The following EFCAB9 variants were observed in gnomAD, a reference collection of about 807,000 sequenced individuals.
The protein encoded by EFCAB9 is EF-hand calcium binding domain 9.
Under a neutral mutation model 15.6 loss-of-function variants are expected in EFCAB9, and 16 were observed. The observed-to-expected ratio is 1.03, with a 90% CI of 0.69 to 1.56. EFCAB9 has a LOEUF of 1.56. Among genes scored for constraint, EFCAB9 ranks in the 40% most tolerant of loss-of-function variants. The pLI is 0.00. For synonymous variants in EFCAB9, 76 were observed against 85.4 expected (o/e 0.89, Z 0.61); for missense variants, 208 against 235.4 (o/e 0.88, Z 0.76).
intron 1 of EFCAB9, among the ~76,000 whole-genome samples, chr5:172,198,864 T>C (rs1243633597): frequency 5.3e-5 from 8 of 152,188 alleles, no homozygotes; most frequent in Non-Finnish European, 1.2e-4. Flanking sequence ...TTTGCCCGCC[T>C]TGGCCTCCCA....
At chr5:172,202,727 C>T (rs549035550) in intron 3 of EFCAB9, among the ~76,000 whole-genome samples, 2 of 151,378 alleles carry the variant, frequency 1.3e-5, no homozygotes, top group South Asian at 2.1e-4. Context: ...AAAGGCCAGG[C>T]ACAGTGTCTC....
intron 1 of EFCAB9, among the ~76,000 whole-genome samples, chr5:172,197,108 CTTT>C (rs769692171): frequency 7.1e-6 from 1 of 141,384 alleles, no homozygotes; most frequent in Non-Finnish European, 1.6e-5. Context: ...TGAGGCACAA[CTTT>C]TTTTTTTTTT....
At chr5:172,201,116 C>A (rs1190108086) in intron 3 of EFCAB9, among the ~76,000 whole-genome samples, 5 of 152,150 alleles carry the variant, frequency 3.3e-5, no homozygotes, top group African/African-American at 1.2e-4. Context: ...TGGCTCACGC[C>A]TATAATGCCA....
intron 2 of EFCAB9, 85 bp downstream of exon 2, chr5:172,199,616 A>G: frequency 6.8e-7 from 1 of 1,468,836 alleles, no homozygotes; most frequent in Non-Finnish European, 9.0e-7. Flanking sequence ...TCCTTTCACT[A>G]AAAAGAGGAA....
intron 1 of EFCAB9, among the ~76,000 whole-genome samples, chr5:172,196,397 T>G (rs555094735): frequency 6.6e-6 from 1 of 152,144 alleles, no homozygotes; most frequent in Admixed American, 6.5e-5. Flanking sequence ...TTCTTTTTTT[T>G]TTTTTTGAGA....
rs1242203489 is a variant in EFCAB9, at chr5:172,203,357, AAG to A, written c.*15_*16del. On this transcript the variant is annotated 3_prime_UTR_variant, in exon 4 of 4. Coordinates refer to ENST00000398186, the MANE Select transcript of EFCAB9 (RefSeq NM_001171183.2). ...GTCACATCAAGTAGATACAAGCTGA[AAG>A]AGTCTTGGAAAAAAATGGGATCTGA... The A allele has an allele frequency of 1.3e-6, 2 of 1,524,650 alleles. No homozygotes were observed. The highest frequency in any genetic ancestry group is 1.4e-5 in the African/African-American group (1 of 71,792). The allele number at this position is 1,524,650 out of a possible 1,614,324, so 94.4% of individuals were successfully genotyped here.
At chr5:172,195,877 C>T (rs926027805) in intron 1 of EFCAB9, among the ~76,000 whole-genome samples, 4 of 152,104 alleles carry the variant, frequency 2.6e-5, no homozygotes, top group African/African-American at 9.7e-5. Context: ...AATCTTGGCT[C>T]ATTGCAACCT....
At chr5:172,202,067 G>A (rs766112094) in intron 3 of EFCAB9, among the ~76,000 whole-genome samples, 4 of 152,070 alleles carry the variant, frequency 2.6e-5, no homozygotes, top group African/African-American at 4.8e-5. Flanking sequence ...GGGGTTGGGC[G>A]CGGTGGCTCA....
intron 1 of EFCAB9, among the ~76,000 whole-genome samples, chr5:172,196,649 T>A (rs1771167979): frequency 6.6e-6 from 1 of 152,138 alleles, no homozygotes; most frequent in Non-Finnish European, 1.5e-5. Flanking sequence ...GTGTTGGGAT[T>A]ACAGGTGTGA....
Position 172,194,243 on chromosome 5 carries a change from G to C in EFCAB9, c.71G>C (p.Arg24Thr). 1 of 1,537,836 alleles carries C rather than the reference G, an allele frequency of 6.5e-7. No homozygotes were observed. The highest frequency in any genetic ancestry group is 8.7e-7 in the Non-Finnish European group (1 of 1,147,054). The change falls in exon 1 of 4, where the codon AGA (arginine) becomes ACA (threonine). Residue 24 changes from arginine (R) to threonine (T), a missense_variant. Transcript: ENST00000398186. ...LDKIYCLLSV[R>T]NVKALAEYFH... ...AAAATATACTGCTTATTATCCGTGA[G>C]AAACGTGAAGGCTTTGGCAGAATAT...
At chr5:172,202,783 T>G (rs989902743) in intron 3 of EFCAB9, among the ~76,000 whole-genome samples, 6 of 151,098 alleles carry the variant, frequency 4.0e-5, no homozygotes, top group Admixed American at 3.3e-4. Flanking sequence ...AGGCGGGTCA[T>G]GAGGTCAGGA....
chr5:172,194,925 T>TG (rs1463720091), intron 1 of EFCAB9, among the ~76,000 whole-genome samples: 1 of 143,642 alleles, frequency 7.0e-6, no homozygotes, highest in African/African-American at 2.6e-5. Context: ...ATCTCATAGT[T>TG]GGAAAAAAAA....
In EFCAB9 at chr5:172,194,263, G is replaced by A. The variant is rs1771118871; in HGVS notation, c.91G>A (p.Glu31Lys). 6.5e-7 allele frequency: 1 copy of A among 1,537,800 alleles called. No individual in the cohort carries two copies. Residue 31 changes from glutamate to lysine, a missense_variant, in exon 1 of 4, where the codon GAA becomes AAA. Coordinates refer to ENST00000398186, the MANE Select transcript of EFCAB9 (RefSeq NM_001171183.2). Reference sequence around the variant, plus strand: ...CGTGAGAAACGTGAAGGCTTTGGCAGAATATTTTCATATTCTGGACGTGCA... The same window carrying A: ...CGTGAGAAACGTGAAGGCTTTGGCAAAATATTTTCATATTCTGGACGTGCA... ...LSVRNVKALA[E>K]YFHILDVHGK...
Position 172,200,699 on chromosome 5 carries a change from A to G in EFCAB9, c.419A>G (p.Glu140Gly). Reference protein sequence around the residue: ...YRFLFNIQKQELKDLFRDFDI... With the variant: ...YRFLFNIQKQGLKDLFRDFDI... Reference sequence around the variant, plus strand: ...TTTCTCTTCAATATTCAAAAACAGGAACTCAAAGATCTCTTCCGTGACTTT... The same window carrying G: ...TTTCTCTTCAATATTCAAAAACAGGGACTCAAAGATCTCTTCCGTGACTTT... Residue 140 changes from glutamate to glycine, a missense_variant, in exon 3 of 4, where the codon GAA becomes GGA. By Grantham distance (98) the Glu-to-Gly change is moderately conservative. Transcript: ENST00000398186. 1 of 1,537,646 alleles carries G rather than the reference A, an allele frequency of 6.5e-7. No homozygotes were observed.
At chr5:172,203,193 T>TTTTTC in intron 3 of EFCAB9, 21 bp from the exon 4 acceptor site, 1 of 1,459,962 alleles carries the variant, frequency 6.8e-7, no homozygotes. Context: ...AATTTTTCTT[T>TTTTTC]CCCCCCCACC....
intron 1 of EFCAB9, among the ~76,000 whole-genome samples, chr5:172,198,057 G>A (rs901662815): frequency 6.6e-6 from 1 of 152,102 alleles, no homozygotes; most frequent in African/African-American, 2.4e-5. Context: ...TCTTTAGCTA[G>A]ACACAGAGTG....
At chr5:172,199,001 A>T (rs1771207947) in intron 1 of EFCAB9, among the ~76,000 whole-genome samples, 1 of 152,268 alleles carries the variant, frequency 6.6e-6, no homozygotes, top group Non-Finnish European at 1.5e-5. Context: ...AAGTGTTCTC[A>T]GTCCCCAGTG....
intron 2 of EFCAB9, among the ~76,000 whole-genome samples, chr5:172,199,793 A>G (rs1468861699): frequency 6.6e-6 from 1 of 151,712 alleles, no homozygotes; most frequent in Non-Finnish European, 1.5e-5. Context: ...TCCTTTCCTC[A>G]CTTGCTCTAG....
At chr5:172,198,507 C>T (rs1197588771) in intron 1 of EFCAB9, among the ~76,000 whole-genome samples, 1 of 152,104 alleles carries the variant, frequency 6.6e-6, no homozygotes, top group African/African-American at 2.4e-5. Flanking sequence ...AAATAAAGTG[C>T]CTAACACATA....
Sources: allele counts gnomAD v4.1 joint callset (sites outside exome capture counted in the v4.1 genomes callset), GRCh38; gene constraint gnomAD v4.1.1; transcripts MANE v1.5; gene names NCBI Gene and HGNC (gene_info 2026-07-23, HGNC 2026-07-21).